Variants in ZNF521 observed in about 807,000 individuals in gnomAD.
The protein encoded by ZNF521 is zinc finger protein 521.
In ZNF521, 14 loss-of-function variants were observed where a neutral mutation model predicts 105.5. The ratio of observed to expected loss-of-function variants is 0.13; its 90% CI spans 0.09 to 0.21. ZNF521 has a LOEUF of 0.21. Ranked by LOEUF, ZNF521 falls within the 10% of genes least tolerant of loss-of-function variation. ZNF521 has a pLI of 1.00. For missense variants in ZNF521, 1,233 were observed against 1,629.7 expected, an observed-to-expected ratio of 0.76 and a Z score of 4.19; for synonymous variants, 635 against 606.0, an observed-to-expected ratio of 1.05 and a Z score of -0.70.
At chr18:25,142,170 G>T (rs1265759022) in intron 5 of ZNF521, among the ~76,000 whole-genome samples, 1 of 152,056 alleles carries the variant, frequency 6.6e-6, no homozygotes, top group Non-Finnish European at 1.5e-5. Flanking sequence ...AGTAGTCACA[G>T]AAGCACAGCA....
At chr18:25,100,915 A>C (rs960930461) in intron 5 of ZNF521, among the ~76,000 whole-genome samples, 1 of 152,188 alleles carries the variant, frequency 6.6e-6, no homozygotes, top group South Asian at 2.1e-4. Context: ...AAGGAGGCTC[A>C]ATTTAAGTTG....
intron 3 of ZNF521, among the ~76,000 whole-genome samples, chr18:25,265,266 A>G (rs1441300976): frequency 6.6e-6 from 1 of 152,220 alleles, no homozygotes; most frequent in African/African-American, 2.4e-5. Context: ...GGAACAACAA[A>G]TGTGAGACAA....
At chr18:25,250,873 T>C (rs1433225469) in intron 3 of ZNF521, among the ~76,000 whole-genome samples, 1 of 152,260 alleles carries the variant, frequency 6.6e-6, no homozygotes, top group Non-Finnish European at 1.5e-5. Context: ...TAAGAGATTC[T>C]TAAGTGATTC....
rs751856295 is a variant in ZNF521 at position 25,303,497 on chromosome 18, T to C, written c.220+18511A>G. Among the ~76,000 whole-genome samples the C allele has an allele frequency of 3.3e-5, 5 of 152,086 alleles. No homozygotes were observed. In the South Asian group the frequency reaches 1.0e-3, roughly 32 times the overall value. Reference sequence around the variant, plus strand: ...AGTTTTAGTAGAGACGGGGTTTCACTATGTTGGCCAGGCTGGTCTCGAACT... The same window carrying C: ...AGTTTTAGTAGAGACGGGGTTTCACCATGTTGGCCAGGCTGGTCTCGAACT... On this transcript the variant is annotated intron_variant, in intron 3 of 7. Transcript: ENST00000361524.
At chr18:25,284,914 A>G (rs370501884) in intron 3 of ZNF521, among the ~76,000 whole-genome samples, 284 of 151,484 alleles carry the variant, frequency 1.9e-3, no homozygotes, top group Non-Finnish European at 2.9e-3. Context: ...GCGCGCGCAC[A>G]CACACACACA....
intron 5 of ZNF521, among the ~76,000 whole-genome samples, chr18:25,133,693 T>G (rs1273647292): frequency 1.3e-5 from 2 of 152,204 alleles, no homozygotes; most frequent in African/African-American, 4.8e-5. Flanking sequence ...CAAATCAACT[T>G]TATTATCATC....
At chr18:25,186,918 A>G (rs1018436245) in intron 5 of ZNF521, among the ~76,000 whole-genome samples, 18 of 149,116 alleles carry the variant, frequency 1.2e-4, no homozygotes, top group Non-Finnish European at 2.4e-4. Flanking sequence ...AAAAAAAAAA[A>G]AAAGAAAAAG....
At chr18:25,247,301 G>A (rs1907798091) in intron 3 of ZNF521, among the ~76,000 whole-genome samples, 2 of 152,148 alleles carry the variant, frequency 1.3e-5, no homozygotes. Context: ...AAACAATCTT[G>A]TCGAACATAT....
At chr18:25,112,095 C>T (rs1229476747) in intron 5 of ZNF521, among the ~76,000 whole-genome samples, 2 of 152,180 alleles carry the variant, frequency 1.3e-5, no homozygotes, top group African/African-American at 4.8e-5. Flanking sequence ...TTGGCACATT[C>T]AGCCTGGGGC....
At chr18:25,312,457 A>C (rs77220447) in intron 3 of ZNF521, among the ~76,000 whole-genome samples, 9,595 of 152,186 alleles carry the variant, frequency 0.063, 435 homozygotes, top group Non-Finnish European at 0.086. Context: ...TATACTAGGT[A>C]ATGATTGAAC....
At chr18:25,232,913 A>T (rs2144761344) in intron 3 of ZNF521, among the ~76,000 whole-genome samples, 1 of 152,274 alleles carries the variant, frequency 6.6e-6, no homozygotes, top group South Asian at 2.1e-4. Flanking sequence ...AGGCTATAGG[A>T]GCAGTTCTGA....
chr18:25,327,452 A>G, intron 2 of ZNF521: 1 of 1,172,542 alleles, frequency 8.5e-7, no homozygotes, highest in East Asian at 5.9e-5. Flanking sequence ...CCCACACCTA[A>G]AAAGAAAATC....
At chr18:25,318,083 G>C (rs558462809) in intron 3 of ZNF521, among the ~76,000 whole-genome samples, 28 of 152,110 alleles carry the variant, frequency 1.8e-4, no homozygotes, top group Middle Eastern at 3.4e-3. Context: ...ACTAACAAGA[G>C]AATGTAAAAC....
intron 5 of ZNF521, among the ~76,000 whole-genome samples, chr18:25,109,014 T>C (rs2034130462): frequency 6.6e-6 from 1 of 152,154 alleles, no homozygotes; most frequent in African/African-American, 2.4e-5. Flanking sequence ...CATGAATATA[T>C]TGCATAATGG....
intron 3 of ZNF521, among the ~76,000 whole-genome samples, chr18:25,321,099 C>T (rs1238135458): frequency 2.0e-5 from 3 of 152,146 alleles, no homozygotes; most frequent in South Asian, 4.1e-4. Flanking sequence ...TTCCCATACT[C>T]GCTTAATGGA....
intron 2 of ZNF521, among the ~76,000 whole-genome samples, chr18:25,334,064 C>T (rs9955904): frequency 0.45 from 68,982 of 152,008 alleles, 16,041 homozygotes; most frequent in Middle Eastern, 0.51. Context: ...GAAGAAAACA[C>T]TCCAGCACCC....
intron 5 of ZNF521, among the ~76,000 whole-genome samples, chr18:25,186,129 T>G (rs946789934): frequency 6.6e-6 from 1 of 152,192 alleles, no homozygotes; most frequent in Non-Finnish European, 1.5e-5. Context: ...GCTCAAAAGA[T>G]GCCGAGGCAA....
At chr18:25,222,804 T>C (rs1251979407) in intron 4 of ZNF521, among the ~76,000 whole-genome samples, 1 of 152,218 alleles carries the variant, frequency 6.6e-6, no homozygotes, top group Non-Finnish European at 1.5e-5. Flanking sequence ...ATGGGATTAC[T>C]TAATTTCCTT....
chr18:25,290,604 ATTCTT>A lies in ZNF521; in HGVS notation c.220+31399_220+31403del, dbSNP rs1196424481. Among the ~76,000 whole-genome samples the A allele has an allele frequency of 3.9e-3, 521 of 132,488 alleles. 3 individuals carry two copies. The highest frequency in any genetic ancestry group is 0.014 in the African/African-American group (497 of 35,304). 86.9% of individuals were successfully genotyped at this position (132,488 alleles called of 152,430 possible). On this transcript the variant is annotated intron_variant, in intron 3 of 7. Transcript: ENST00000361524. Reference sequence around the variant, plus strand: ...CAGTGTTTGATGCACAGTAGGCCATATTCTTTTTTTTTTTTTTTTTTTTTGAGACG... The same window carrying A: ...CAGTGTTTGATGCACAGTAGGCCATATTTTTTTTTTTTTTTTTTTGAGACG...
Sources: gnomAD v4.1 joint callset for allele counts (sites outside exome capture counted in the v4.1 genomes callset) on GRCh38, gnomAD v4.1.1 for gene constraint, MANE v1.5 for transcripts, NCBI Gene and HGNC (gene_info 2026-07-23, HGNC 2026-07-21) for gene names.